MAP3K5: variants seen among roughly 807,000 people sequenced by gnomAD.
MAP3K5 encodes the protein ASK-1.
In MAP3K5, 56 loss-of-function variants were observed where a neutral mutation model predicts 158.7. The observed-to-expected ratio is 0.35, with a 90% CI of 0.28 to 0.44. The LOEUF (loss-of-function observed/expected upper bound fraction) is 0.44, where lower values mean the gene tolerates loss of function less well. Ranked by LOEUF, MAP3K5 falls within the 20% of genes least tolerant of loss-of-function variation. MAP3K5 has a pLI of 1.00. For missense variants in MAP3K5, 1,294 were observed against 1,674.8 expected (o/e 0.77, Z 3.97); for synonymous variants, 579 against 601.7 (o/e 0.96, Z 0.55).
intron 25 of MAP3K5, among the ~76,000 whole-genome samples, chr6:136,577,333 T>C (rs1774663633): frequency 1.3e-5 from 2 of 152,244 alleles, no homozygotes; most frequent in Admixed American, 6.5e-5. Flanking sequence ...CATTTGTATA[T>C]TGGTATACAG....
chr6:136,557,613 GT>G lies in MAP3K5; in HGVS notation c.*144del, dbSNP rs34705939. On this transcript the variant is annotated 3_prime_UTR_variant, in exon 30 of 30. Coordinates refer to ENST00000359015, the MANE Select transcript of MAP3K5 (RefSeq NM_005923.4). Reference sequence around the variant, plus strand: ...TAGGAAATTTCAGTGTGTTTTGTCTGTTTTTTTTTTTTTTAACATGAGTAAA... The same window carrying G: ...TAGGAAATTTCAGTGTGTTTTGTCTGTTTTTTTTTTTTTAACATGAGTAAA... 0.14 allele frequency: 64,504 copies of G among 456,960 alleles called. 165 individuals are homozygous for G. The highest frequency in any genetic ancestry group is 0.26 in the East Asian group (7,141 of 27,648). The allele number at this position is 456,960 out of a possible 1,614,324, so 28.3% of individuals were successfully genotyped here.
intron 1 of MAP3K5, among the ~76,000 whole-genome samples, chr6:136,778,840 T>C (rs1784498018): frequency 6.6e-6 from 1 of 152,174 alleles, no homozygotes; most frequent in Non-Finnish European, 1.5e-5. Flanking sequence ...GATCGACTGA[T>C]GCTATCTGCC....
At chr6:136,589,079 A>G (rs73777938) in intron 23 of MAP3K5, among the ~76,000 whole-genome samples, 10,718 of 152,278 alleles carry the variant, frequency 0.07, 907 homozygotes, top group African/African-American at 0.2. Flanking sequence ...TGTTTAGCAA[A>G]GAAGCACAGT....
chr6:136,666,972 A>T (rs117540676), intron 8 of MAP3K5, among the ~76,000 whole-genome samples: 2 of 152,294 alleles, frequency 1.3e-5, no homozygotes, highest in Non-Finnish European at 2.9e-5. Flanking sequence ...TCCTGAAAAA[A>T]ATTAACATGT....
At chr6:136,592,654 T>C in intron 21 of MAP3K5, 40 bp from the exon 22 acceptor site, 1 of 1,546,386 alleles carries the variant, frequency 6.5e-7, no homozygotes, top group Non-Finnish European at 8.9e-7. Flanking sequence ...ATTGACACTT[T>C]AAAAAATGTA....
chr6:136,579,181 A>G (rs958339237), intron 25 of MAP3K5, among the ~76,000 whole-genome samples: 10 of 152,152 alleles, frequency 6.6e-5, no homozygotes, highest in African/African-American at 2.2e-4. Flanking sequence ...CAATTGGTCA[A>G]CTGCTCTTTC....
At chr6:136,707,570 A>G (rs753560299) in intron 2 of MAP3K5, among the ~76,000 whole-genome samples, 26 of 141,038 alleles carry the variant, frequency 1.8e-4, no homozygotes, top group Non-Finnish European at 3.4e-4. Context: ...GGGGGGGGGG[A>G]ACCCCTTGAA....
intron 14 of MAP3K5, 31 bp downstream of exon 14, chr6:136,637,293 CT>C: frequency 6.6e-7 from 1 of 1,517,902 alleles, no homozygotes; most frequent in Non-Finnish European, 9.2e-7. Flanking sequence ...TTAAAATGAG[CT>C]CTAAATGTAA....
chr6:136,611,107 CAAAAAAAAAAAAAAA>C (rs59508317), intron 18 of MAP3K5, among the ~76,000 whole-genome samples, 160 bp downstream of exon 18: 3 of 24,436 alleles, frequency 1.2e-4, no homozygotes, highest in African/African-American at 2.4e-4. Context: ...GACCCTGTCT[CAAAAAAAAAAAAAAA>C]AAAAAAAAAA....
chr6:136,705,885 AC>A (rs1781054301), intron 2 of MAP3K5, among the ~76,000 whole-genome samples: 1 of 152,150 alleles, frequency 6.6e-6, no homozygotes, highest in South Asian at 2.1e-4. Flanking sequence ...GGTATTGGCC[AC>A]CGGCAAATCC....
At chr6:136,722,674 C>CT (rs372343492) in intron 1 of MAP3K5, among the ~76,000 whole-genome samples, 41,900 of 115,608 alleles carry the variant, frequency 0.36, 8,887 homozygotes, top group Non-Finnish European at 0.47. Context: ...TTTTTTTTTC[C>CT]TTTTTTTTTT....
intron 25 of MAP3K5, among the ~76,000 whole-genome samples, chr6:136,572,322 G>A (rs994558725): frequency 2.0e-5 from 3 of 152,038 alleles, no homozygotes; most frequent in South Asian, 2.1e-4. Flanking sequence ...GCAATGGCAC[G>A]ATCTTGGCTC....
chr6:136,751,930 C>T (rs1783227419), intron 1 of MAP3K5, among the ~76,000 whole-genome samples: 4 of 152,182 alleles, frequency 2.6e-5, no homozygotes, highest in East Asian at 1.9e-4. Context: ...CCAGTGACCA[C>T]AGTAATCAGT....
intron 7 of MAP3K5, among the ~76,000 whole-genome samples, chr6:136,674,534 A>C (rs957372368): frequency 6.6e-6 from 1 of 152,126 alleles, no homozygotes; most frequent in African/African-American, 2.4e-5. Flanking sequence ...GGAGGACTAA[A>C]AGAACAAAAA....
chr6:136,572,218 A>G (rs954835567), intron 25 of MAP3K5, among the ~76,000 whole-genome samples: 3 of 152,188 alleles, frequency 2.0e-5, no homozygotes, highest in African/African-American at 7.2e-5. Context: ...GACCTTTTAC[A>G]ACTTTCTATA....
chr6:136,616,739 G>A (rs1215241439), intron 15 of MAP3K5, among the ~76,000 whole-genome samples: 3 of 151,718 alleles, frequency 2.0e-5, no homozygotes, highest in Non-Finnish European at 4.4e-5. Flanking sequence ...TGGTGATGAT[G>A]ATGATTTGAG....
intron 1 of MAP3K5, among the ~76,000 whole-genome samples, chr6:136,732,132 A>G (rs1554306573): frequency 1.3e-5 from 2 of 152,162 alleles, no homozygotes; most frequent in Non-Finnish European, 2.9e-5. Flanking sequence ...TAAAGGTAAG[A>G]AGGAGAGAAG....
chr6:136,639,908 G>A (rs1777841644), intron 12 of MAP3K5, among the ~76,000 whole-genome samples: 1 of 152,206 alleles, frequency 6.6e-6, no homozygotes, highest in African/African-American at 2.4e-5. Context: ...CCTTTCAACA[G>A]AGCAGGGAAA....
At position 136,583,691 on chromosome 6, in the gene MAP3K5, G is replaced by A; in HGVS notation, c.3275C>T (p.Ala1092Val). ...GGATCTCACAAATTCTCTGAGGCTT[G>A]CAATGAGGGTTGTGATGTGTTCCCA... ...LKWEHITTLI[A>V]SLREFVRSTD... Residue 1092 changes from alanine to valine, a missense_variant, in exon 24 of 30, where the codon GCA (alanine) becomes GTA (valine). Physicochemically the swap from Ala to Val is moderately conservative, Grantham distance 64. Transcript: ENST00000359015. The A allele has an allele frequency of 6.2e-7, 1 of 1,614,204 alleles. No individual in the cohort carries two copies. The highest frequency in any genetic ancestry group is 1.6e-4 in the Middle Eastern group (1 of 6,062).
Sources: allele counts gnomAD v4.1 joint callset (sites outside exome capture counted in the v4.1 genomes callset), GRCh38; gene constraint gnomAD v4.1.1; transcripts MANE v1.5; gene names NCBI Gene and HGNC (gene_info 2026-07-23, HGNC 2026-07-21).